Variants in HNF4G observed in about 807,000 individuals in gnomAD.
The protein encoded by HNF4G is hepatocyte nuclear factor 4 gamma.
HNF4G carries 21 observed loss-of-function variants against 50.9 expected under a neutral mutation model. That is an observed-to-expected ratio of 0.41 (90% CI 0.29 to 0.59). The LOEUF (loss-of-function observed/expected upper bound fraction) is 0.59. HNF4G is among the 20% of genes least tolerant of loss of function. The probability of loss-of-function intolerance (pLI) is 0.26; values close to 1 mark genes in which losing one functional copy is unlikely to be tolerated. For missense variants in HNF4G, 527 were observed against 559.4 expected (o/e 0.94, Z 0.58); for synonymous variants, 198 against 185.6 (o/e 1.07, Z -0.54).
intron 1 of HNF4G, among the ~76,000 whole-genome samples, chr8:75,427,307 G>A (rs1810913544): frequency 1.3e-5 from 2 of 152,194 alleles, no homozygotes; most frequent in African/African-American, 4.8e-5. Context: ...GCTAGGCATG[G>A]TGGATCATAC....
upstream of HNF4G, among the ~76,000 whole-genome samples, chr8:75,537,210 C>T (rs1043755082): frequency 2.0e-5 from 3 of 148,890 alleles, no homozygotes; most frequent in Admixed American, 2.0e-4. Context: ...CTATCTAATG[C>T]AACATGAGCA....
upstream of HNF4G, among the ~76,000 whole-genome samples, chr8:75,536,466 T>C (rs1037239749): frequency 1.3e-4 from 19 of 151,998 alleles, no homozygotes; most frequent in African/African-American, 4.6e-4. Context: ...TTTAACTACT[T>C]AAGTTCTTAA....
intron 2 of HNF4G, among the ~76,000 whole-genome samples, chr8:75,493,291 T>A (rs1439386536): frequency 6.6e-6 from 1 of 152,134 alleles, no homozygotes; most frequent in Non-Finnish European, 1.5e-5. Flanking sequence ...TTGAGTTTCA[T>A]GTCCTGGGAA....
chr8:75,418,821 G>A (rs551160879), intron 1 of HNF4G, among the ~76,000 whole-genome samples: 31 of 145,160 alleles, frequency 2.1e-4, no homozygotes, highest in African/African-American at 6.2e-4. Flanking sequence ...TCCGCCTCCC[G>A]GGTTCAAGCG....
chr8:75,480,936 C>T (rs1215560031), intron 1 of HNF4G, among the ~76,000 whole-genome samples: 1 of 151,988 alleles, frequency 6.6e-6, no homozygotes, highest in Non-Finnish European at 1.5e-5. Context: ...AGGCTGGACT[C>T]GAACTCCTGG....
intron 7 of HNF4G, 39 bp from the exon 8 acceptor site, chr8:75,558,762 G>A (rs1003539166): frequency 2.5e-6 from 4 of 1,587,040 alleles, no homozygotes; most frequent in Non-Finnish European, 3.5e-6. Context: ...ACTGTAATTA[G>A]GTTAAATCTG....
In HNF4G at chr8:75,559,816, A is replaced by C. The variant is rs73331871; in HGVS notation, c.1124-528A>C. Among the ~76,000 whole-genome samples the C allele has an allele frequency of 2.6e-5, 4 of 152,166 alleles. No individual in the cohort carries two copies. The East Asian group carries it at 7.7e-4, about 29-fold the overall frequency. On this transcript the variant is annotated intron_variant, in intron 8 of 9. Coordinates refer to ENST00000396423, the MANE Select transcript of HNF4G (RefSeq NM_004133.5). ...TGAACATTGTGCTCCTGAAATAATT[A>C]ATTGACACAAAATAGTAGAAAGGGA...
chr8:75,488,025 C>A (rs1563525771), intron 1 of HNF4G, among the ~76,000 whole-genome samples: 1 of 152,176 alleles, frequency 6.6e-6, no homozygotes. Context: ...GTAACCATCC[C>A]TATGATTCAA....
chr8:75,461,053 A>G (rs1811827136), intron 1 of HNF4G, among the ~76,000 whole-genome samples: 1 of 152,230 alleles, frequency 6.6e-6, no homozygotes, highest in Non-Finnish European at 1.5e-5. Context: ...ATAGAGGTTA[A>G]GAATCTTGCC....
chr8:75,549,549 C>CTTTT (rs1043888492), intron 3 of HNF4G, among the ~76,000 whole-genome samples: 2 of 131,544 alleles, frequency 1.5e-5, no homozygotes. Flanking sequence ...CTCACTCTTT[C>CTTTT]TTTTTTTTTT....
intron 1 of HNF4G, among the ~76,000 whole-genome samples, chr8:75,424,010 C>A (rs181930921): frequency 6.7e-6 from 1 of 149,626 alleles, no homozygotes; most frequent in East Asian, 2.0e-4. Flanking sequence ...TTTTAGTAGA[C>A]ACGGGTTTCA....
chr8:75,431,813 C>T (rs1283174598), intron 1 of HNF4G, among the ~76,000 whole-genome samples: 2 of 151,882 alleles, frequency 1.3e-5, no homozygotes, highest in Non-Finnish European at 1.5e-5. Context: ...GTAATCCCAG[C>T]TACTCGGGAG....
chr8:75,438,852 T>G (rs983714271), intron 1 of HNF4G, among the ~76,000 whole-genome samples: 4 of 152,132 alleles, frequency 2.6e-5, no homozygotes, highest in Admixed American at 2.6e-4. Context: ...GTATAATAGT[T>G]TTTGCTTTTT....
At chr8:75,434,806 A>G (rs1811098494) in intron 1 of HNF4G, among the ~76,000 whole-genome samples, 1 of 152,206 alleles carries the variant, frequency 6.6e-6, no homozygotes, top group Non-Finnish European at 1.5e-5. Context: ...CTGTACACTT[A>G]AAACATTTAA....
chr8:75,493,335 T>C (rs909501271), intron 2 of HNF4G, among the ~76,000 whole-genome samples: 1 of 152,146 alleles, frequency 6.6e-6, no homozygotes, highest in African/African-American at 2.4e-5. Flanking sequence ...TGCTTCCCCA[T>C]CCTGAAGAGT....
At chr8:75,458,620 T>C (rs1011421514) in intron 1 of HNF4G, among the ~76,000 whole-genome samples, 4 of 152,156 alleles carry the variant, frequency 2.6e-5, no homozygotes, top group Admixed American at 2.6e-4. Flanking sequence ...AGGAATTGTA[T>C]CTCCTTAATG....
At chr8:75,509,824 T>C (rs1030117593) in intron 2 of HNF4G, among the ~76,000 whole-genome samples, 2 of 152,216 alleles carry the variant, frequency 1.3e-5, no homozygotes, top group Non-Finnish European at 2.9e-5. Flanking sequence ...CTGCCAATCA[T>C]ATGGAAGTAT....
Position 75,556,048 on chromosome 8 carries a change from T to C in HNF4G, c.712T>C (p.Tyr238His). The C allele has an allele frequency of 1.3e-6, 2 of 1,561,184 alleles. No homozygotes were observed. The highest frequency in any genetic ancestry group is 1.2e-5 in the South Asian group (1 of 82,988). The change falls in exon 6 of 10, where the codon TAT becomes CAT. Residue 238 changes from tyrosine (Y) to histidine (H), a missense_variant. Physicochemically the swap from Tyr to His is moderately conservative, Grantham distance 83. Transcript: ENST00000396423. ...LLGATKRSMM[Y>H]KDILLLGNNY... ...TGGAGCTACAAAGAGATCCATGATGTATAAAGATATTTTGCTTTTGGGTAA... is the reference window on the plus strand; with the variant it reads ...TGGAGCTACAAAGAGATCCATGATGCATAAAGATATTTTGCTTTTGGGTAA...
chr8:75,545,438 C>T (rs188215067), intron 2 of HNF4G, among the ~76,000 whole-genome samples: 2 of 152,172 alleles, frequency 1.3e-5, no homozygotes, highest in East Asian at 3.9e-4. Flanking sequence ...GAGTTTAACT[C>T]CTGCACCTTC....
Sources: allele counts gnomAD v4.1 joint callset (sites outside exome capture counted in the v4.1 genomes callset), GRCh38; gene constraint gnomAD v4.1.1; transcripts MANE v1.5; gene names NCBI Gene and HGNC (gene_info 2026-07-23, HGNC 2026-07-21).